Variants in PDE6B observed in about 807,000 individuals in gnomAD.
The protein encoded by PDE6B is rod cGMP-specific 3',5'-cyclic phosphodiesterase subunit beta.
A neutral mutation model predicts 109.0 loss-of-function variants in PDE6B; 106 were observed. That is an observed-to-expected ratio of 0.97 (90% CI 0.83 to 1.14). PDE6B has a LOEUF of 1.14. PDE6B is among the 50% of genes most tolerant of loss of function. The pLI is 0.00. For synonymous variants in PDE6B, 490 were observed against 471.3 expected (o/e 1.04, Z -0.51); for missense variants, 1,193 against 1,155.6 (o/e 1.03, Z -0.47).
intron 3 of PDE6B, among the ~76,000 whole-genome samples, chr4:640,730 T>C (rs1734910669): frequency 6.6e-6 from 1 of 152,234 alleles, no homozygotes. Context: ...TGCATCTAGA[T>C]TAATTTTTTG....
In PDE6B at chr4:663,631, G is replaced by A. The variant is rs988186955; in HGVS notation, c.1921-139G>A. On this transcript the variant is annotated intron_variant, in intron 15 of 21. Coordinates refer to ENST00000496514, the MANE Select transcript of PDE6B (RefSeq NM_000283.4). The surrounding 1 kb of genome is among the most constrained non-coding windows in gnomAD (Gnocchi z 4.0). Reference sequence around the variant, plus strand: ...CTGAGGAGGGCCCTGAGCAGCAGGCGGATTAGGGGTCCCGCCCACCGAGGG... The same window carrying A: ...CTGAGGAGGGCCCTGAGCAGCAGGCAGATTAGGGGTCCCGCCCACCGAGGG... 2 of 706,310 alleles carry A rather than the reference G, an allele frequency of 2.8e-6. No individual in the cohort carries two copies. Among genetic ancestry groups the A allele is most frequent in the Admixed American group, 2.1e-5 (1 of 48,324 alleles). 43.8% of individuals were successfully genotyped at this position (706,310 alleles called of 1,614,324 possible).
rs36093261 is a variant in PDE6B, at chr4:662,834, TAAAA to T, written c.1832+235_1832+238del. ...GCAAGAGCTCTCCTCTACAAAAACT[TAAAA>T]AAAAAAAAAAAAAAAAAAGCTGTGT... On this transcript the variant is annotated intron_variant, in intron 14 of 21. Transcript: ENST00000496514. This position sits in a 1 kb window ranked among gnomAD's most constrained non-coding sequence, Gnocchi z 4.3. 4.6e-3 allele frequency among the ~76,000 whole-genome samples: 420 copies of T among 92,130 alleles called. 3 individuals carry two copies. The highest frequency in any genetic ancestry group is 0.017 in the African/African-American group (404 of 23,982). 60.4% of individuals were successfully genotyped at this position (92,130 alleles called of 152,430 possible).
At chr4:657,820 G>A (rs28478159) in intron 10 of PDE6B, among the ~76,000 whole-genome samples, 1,865 of 139,618 alleles carry the variant, frequency 0.013, 55 homozygotes, top group African/African-American at 0.05. Context: ...ATGGCTGTGC[G>A]GCGGGGGCAG....
intron 3 of PDE6B, among the ~76,000 whole-genome samples, chr4:646,918 C>T (rs1401785509): frequency 6.6e-6 from 1 of 151,516 alleles, no homozygotes; most frequent in Non-Finnish European, 1.5e-5. Flanking sequence ...AGTGCAGTGG[C>T]TCAATCTCGG....
rs997812200 is a variant in PDE6B at position 644,028 on chromosome 4, C to T, written c.711+8059C>T. Among the ~76,000 whole-genome samples, 5 of 148,496 alleles carry T rather than the reference C, an allele frequency of 3.4e-5. No homozygotes were observed. In the Admixed American group the frequency reaches 3.4e-4, roughly 10 times the overall value. ...CCACCTCCCGGGTTCATGCCATTCT[C>T]CTGCCTCAGCCTCCCGAGTAGCTGG... is the stretch of plus-strand genomic sequence containing the variant. On this transcript the variant is annotated intron_variant, in intron 3 of 21. Transcript: ENST00000496514.
chr4:654,989 A>C, intron 6 of PDE6B, 101 bp downstream of exon 6: 1 of 810,052 alleles, frequency 1.2e-6, no homozygotes, highest in South Asian at 1.3e-5. Flanking sequence ...CCCACGGTGC[A>C]GTCAGCAGCA....
rs1735860141 is a variant in PDE6B at position 653,967 on chromosome 4, G to T, written c.827G>T (p.Gly276Val). 4 of 1,613,884 alleles carry T rather than the reference G, an allele frequency of 2.5e-6. No homozygotes were observed. The highest frequency in any genetic ancestry group is 2.2e-5 in the East Asian group (1 of 44,882). ...CTCAACTGCGAGCGGTACTCCGTGGGCCTCCTGGACATGACCAAGGAGAAG... is the reference window on the plus strand; with the variant it reads ...CTCAACTGCGAGCGGTACTCCGTGGTCCTCCTGGACATGACCAAGGAGAAG... Reference protein sequence around the residue: ...AYLNCERYSVGLLDMTKEKEF... With the variant: ...AYLNCERYSVVLLDMTKEKEF... Residue 276 changes from glycine to valine, a missense_variant, in exon 4 of 22, where the codon GGC becomes GTC. Coordinates refer to ENST00000496514, the MANE Select transcript of PDE6B (RefSeq NM_000283.4).
intron 1 of PDE6B, among the ~76,000 whole-genome samples, chr4:630,263 A>G (rs900033299): frequency 1.3e-5 from 2 of 152,098 alleles, no homozygotes; most frequent in African/African-American, 4.8e-5. Context: ...CAGGGCTGTC[A>G]TCTCAGGAAG....
In PDE6B at chr4:665,401, C is replaced by G. The variant is rs1737682665; in HGVS notation, c.2268+72C>G. On this transcript the variant is annotated intron_variant, in intron 19 of 21. Transcript: ENST00000496514. The surrounding 1 kb of genome is among the most constrained non-coding windows in gnomAD (Gnocchi z 4.0). Reference sequence around the variant, plus strand: ...GACCCCTCTTGGTCCTCAGGAGCCTCAGGTCCTGGCTTGGTCTCAGGCAGG... The same window carrying G: ...GACCCCTCTTGGTCCTCAGGAGCCTGAGGTCCTGGCTTGGTCTCAGGCAGG... 9.5e-6 allele frequency: 10 copies of G among 1,056,004 alleles called. No homozygotes were observed. The South Asian group carries it at 1.3e-4, about 14-fold the overall frequency. The allele number at this position is 1,056,004 out of a possible 1,614,324, so 65.4% of individuals were successfully genotyped here.
intron 9 of PDE6B, 83 bp downstream of exon 9, chr4:657,106 G>A: frequency 7.0e-7 from 1 of 1,422,270 alleles, no homozygotes; most frequent in Non-Finnish European, 9.9e-7. Context: ...TCCCCGCCAA[G>A]CATTCGGCTG....
At chr4:640,242 A>G (rs1164674383) in intron 3 of PDE6B, among the ~76,000 whole-genome samples, 4 of 152,150 alleles carry the variant, frequency 2.6e-5, no homozygotes, top group Non-Finnish European at 5.9e-5. Flanking sequence ...AAATTTTATT[A>G]TAATAAAGTC....
chr4:637,598 G>A (rs535105303), intron 3 of PDE6B, among the ~76,000 whole-genome samples: 8 of 152,288 alleles, frequency 5.3e-5, no homozygotes, highest in African/African-American at 1.4e-4. Context: ...ACTTCTCCAG[G>A]GAGCCTGGTT....
At chr4:629,054 C>A (rs1734253602) in intron 1 of PDE6B, among the ~76,000 whole-genome samples, 1 of 152,338 alleles carries the variant, frequency 6.6e-6, no homozygotes, top group East Asian at 1.9e-4. Flanking sequence ...GGACACCAGG[C>A]CCCCCTCCAT....
In PDE6B at chr4:666,749, T is replaced by C; in HGVS notation, c.2352+135T>C. 4 of 700,236 alleles carry C rather than the reference T, an allele frequency of 5.7e-6. No homozygotes were observed. Among genetic ancestry groups the C allele is most frequent in the East Asian group, 5.5e-5 (2 of 36,450 alleles). 43.4% of individuals were successfully genotyped at this position (700,236 alleles called of 1,614,324 possible). A position where few individuals can be genotyped will look rare whatever the true frequency, so the allele number is the denominator to read the frequency against. Reference sequence around the variant, plus strand: ...CTGGAGTAGGGATGCCAGTGCCAGCTTCGTGCCGCTCTTGAGTGGGGCAAA... The same window carrying C: ...CTGGAGTAGGGATGCCAGTGCCAGCCTCGTGCCGCTCTTGAGTGGGGCAAA... On this transcript the variant is annotated intron_variant, in intron 20 of 21. Transcript: ENST00000496514. This position sits in a 1 kb window ranked among gnomAD's most constrained non-coding sequence, Gnocchi z 5.6.
Position 666,437 on chromosome 4 carries a change from G to C in PDE6B, c.2269-94G>C. ...GGCTCGTCCCAGGCTGTGTCTCCAT[G>C]AGCACATCTGAGTGAGGGGGTCGGG... On this transcript the variant is annotated intron_variant, in intron 19 of 21. Transcript: ENST00000496514. This position sits in a 1 kb window ranked among gnomAD's most constrained non-coding sequence, Gnocchi z 5.6. 2.4e-6 allele frequency: 2 copies of C among 819,944 alleles called. No homozygotes were observed. The highest frequency in any genetic ancestry group is 2.2e-6 in the Non-Finnish European group (1 of 463,952). 50.8% of individuals were successfully genotyped at this position (819,944 alleles called of 1,614,324 possible). A position where few individuals can be genotyped will look rare whatever the true frequency, so the allele number is the denominator to read the frequency against.
At position 662,652 on chromosome 4, in the gene PDE6B, C is replaced by A; in HGVS notation, c.1832+34C>A. 1 of 1,276,706 alleles carries A rather than the reference C, an allele frequency of 7.8e-7. No homozygotes were observed. The highest frequency in any genetic ancestry group is 1.2e-5 in the South Asian group (1 of 84,534). 79.1% of individuals were successfully genotyped at this position (1,276,706 alleles called of 1,614,324 possible). Reference sequence around the variant, plus strand: ...CTCAGGGCGGGCATGTGAATTAGCCCTAAATCAACTCCACGCCCTTGGCGT... The same window carrying A: ...CTCAGGGCGGGCATGTGAATTAGCCATAAATCAACTCCACGCCCTTGGCGT... On this transcript the variant is annotated intron_variant, in intron 14 of 21. Transcript: ENST00000496514. The surrounding 1 kb of genome is among the most constrained non-coding windows in gnomAD (Gnocchi z 4.3).
In PDE6B at chr4:665,262, T is replaced by A; in HGVS notation, c.2201T>A (p.Leu734His). The stretch of plus-strand genomic sequence containing the variant: ...GCCTTCCTGTGCCTCCAGGTCGCAC[T>A]TCTCGTGGCTGCTGAGTTCTGGGAG... ...KPWEVQSKVA[L>H]LVAAEFWEQG... Residue 734 changes from leucine to histidine, a missense_variant, in exon 19 of 22, where the codon CTT becomes CAT. Leu to His is a moderately conservative substitution (Grantham distance 99, BLOSUM62 -3). Coordinates refer to ENST00000496514, the MANE Select transcript of PDE6B (RefSeq NM_000283.4). This position sits in a 1 kb window ranked among gnomAD's most constrained non-coding sequence, Gnocchi z 4.0. 1 of 1,612,386 alleles carries A rather than the reference T, an allele frequency of 6.2e-7. No homozygotes were observed. Among genetic ancestry groups the A allele is most frequent in the South Asian group, 1.1e-5 (1 of 91,060 alleles).
At chr4:635,563 G>A (rs1428872479) in intron 2 of PDE6B, among the ~76,000 whole-genome samples, 5 of 144,536 alleles carry the variant, frequency 3.5e-5, no homozygotes, top group South Asian at 2.3e-4. Flanking sequence ...TGTGCCACGC[G>A]TCTGCCTCCC....
intron 1 of PDE6B, among the ~76,000 whole-genome samples, chr4:628,134 G>T (rs992787922): frequency 6.7e-6 from 1 of 150,288 alleles, no homozygotes; most frequent in African/African-American, 2.5e-5. Context: ...ACAGAAACTT[G>T]AGTCTGAATT....
Sources: gnomAD v4.1 joint callset for allele counts (sites outside exome capture counted in the v4.1 genomes callset) on GRCh38, gnomAD v4.1.1 for gene constraint, Gnocchi (gnomAD v3.1) non-coding constraint, MANE v1.5 for transcripts, NCBI Gene and HGNC (gene_info 2026-07-23, HGNC 2026-07-21) for gene names.